PCDHA10: variants seen among roughly 807,000 people sequenced by gnomAD.
The protein encoded by PCDHA10 is protocadherin alpha-10.
A neutral mutation model predicts 61.2 loss-of-function variants in PCDHA10; 45 were observed. The observed-to-expected ratio is 0.74, with a 90% CI of 0.58 to 0.94. The LOEUF is 0.94. Ranked by LOEUF, PCDHA10 falls within the 40% of genes least tolerant of loss-of-function variation. PCDHA10 has a pLI of 0.00. For missense variants in PCDHA10, 1,278 were observed against 1,236.2 expected (o/e 1.03, Z -0.51); for synonymous variants, 602 against 548.8 (o/e 1.10, Z -1.35).
chr5:140,895,914 A>G (rs570826611), intron 1 of PCDHA10, among the ~76,000 whole-genome samples: 43 of 152,162 alleles, frequency 2.8e-4, no homozygotes, highest in Non-Finnish European at 1.3e-4. Flanking sequence ...CGGGCTCAAC[A>G]ATTATCCTGC....
At chr5:140,967,279 T>A in intron 1 of PCDHA10, 1 of 1,613,002 alleles carries the variant, frequency 6.2e-7, no homozygotes, top group Non-Finnish European at 8.5e-7. Context: ...ACATAGAGAG[T>A]GCGCAGGACC....
chr5:140,896,137 G>A (rs547993953), intron 1 of PCDHA10, among the ~76,000 whole-genome samples: 16 of 152,260 alleles, frequency 1.1e-4, no homozygotes, highest in African/African-American at 3.1e-4. Flanking sequence ...TTTATCCAGT[G>A]CACCATTGAT....
rs373471484 is a variant in PCDHA10, at chr5:140,997,017, TA to T, written c.2537-12609del. 5.1e-4 allele frequency among the ~76,000 whole-genome samples: 78 copies of T among 152,304 alleles called. No individual in the cohort carries two copies. The South Asian group carries it at 0.011, about 21-fold the overall frequency. ...TAACAATTTTGTGTGTATCCTCCAA[TA>T]TTTTTTTGAAATTAATGAACTTTAC... On this transcript the variant is annotated intron_variant, in intron 3 of 3. Transcript: ENST00000307360.
In PCDHA10 at chr5:140,883,729, C is replaced by T. The variant is rs572170960; in HGVS notation, c.2388+25293C>T. 8 of 1,613,520 alleles carry T rather than the reference C, an allele frequency of 5.0e-6. No homozygotes were observed. In the African/African-American group the frequency reaches 8.0e-5, roughly 16 times the overall value. ...CTCAGGACGCGGACGCACAGGAGAA[C>T]GCGCTGGTCTCCTACTCGCTGGTGG... On this transcript the variant is annotated intron_variant, in intron 1 of 3. Coordinates refer to ENST00000307360, the MANE Select transcript of PCDHA10 (RefSeq NM_018901.4).
intron 1 of PCDHA10, among the ~76,000 whole-genome samples, chr5:140,936,885 T>C (rs1490428437): frequency 6.6e-6 from 1 of 152,238 alleles, no homozygotes; most frequent in Non-Finnish European, 1.5e-5. Context: ...CCTGCTTTGA[T>C]TTTAATTGGC....
chr5:140,946,221 A>G (rs1287007358), intron 1 of PCDHA10, among the ~76,000 whole-genome samples: 2 of 152,214 alleles, frequency 1.3e-5, no homozygotes, highest in Admixed American at 6.5e-5. Context: ...ACCAACAGGT[A>G]TACTAAAAAA....
At chr5:140,861,334 A>G in intron 1 of PCDHA10, 1 of 250,308 alleles carries the variant, frequency 4.0e-6, no homozygotes, top group Non-Finnish European at 8.2e-6. Context: ...CCATCCTGGA[A>G]GAGGCCAAGG....
chr5:140,876,920 A>G (rs782247870), intron 1 of PCDHA10: 1 of 1,613,928 alleles, frequency 6.2e-7, no homozygotes, highest in Non-Finnish European at 8.5e-7. Context: ...TGGGACGCGG[A>G]CGCGCAGAAG....
At chr5:140,875,397 G>T in intron 1 of PCDHA10, 2 of 1,480,686 alleles carry the variant, frequency 1.4e-6, no homozygotes, top group South Asian at 1.4e-5. Flanking sequence ...AGAAAAGGGT[G>T]ACTGCTCATA....
At chr5:140,877,738 C>G (rs539793128) in intron 1 of PCDHA10, 1 of 1,614,164 alleles carries the variant, frequency 6.2e-7, no homozygotes, top group African/African-American at 1.3e-5. Flanking sequence ...GCAGAGGAGG[C>G]AGAGGGTGTG....
chr5:140,869,450 T>C, intron 1 of PCDHA10: 1 of 1,614,098 alleles, frequency 6.2e-7, no homozygotes, highest in Non-Finnish European at 8.5e-7. Flanking sequence ...CCGCTGCAGG[T>C]TTTCCATGTG....
chr5:140,859,050 C>T lies in PCDHA10; in HGVS notation c.2388+614C>T, dbSNP rs1375477710. ...TGCTTTGAACTTTAAAAACGTTTTC[C>T]ATTTTTATTTTAGTTGTAGTGGTAC... On this transcript the variant is annotated intron_variant, in intron 1 of 3. Transcript: ENST00000307360. 1.3e-5 allele frequency: 2 copies of T among 150,490 alleles called. 1 individual carries two copies. The highest frequency in any genetic ancestry group is 3.0e-5 in the Non-Finnish European group (2 of 67,566). The allele number at this position is 150,490 out of a possible 1,614,324, so 9.3% of individuals were successfully genotyped here.
At chr5:140,977,097 G>T (rs988046010) in intron 1 of PCDHA10, among the ~76,000 whole-genome samples, 2 of 152,222 alleles carry the variant, frequency 1.3e-5, no homozygotes, top group African/African-American at 4.8e-5. Flanking sequence ...GTGTCATTGG[G>T]GAAGTGAGAT....
chr5:140,863,082 G>A (rs1424614073), intron 1 of PCDHA10: 2 of 572,800 alleles, frequency 3.5e-6, no homozygotes, highest in Non-Finnish European at 6.9e-6. Flanking sequence ...GCACGGGCGA[G>A]ATCAGCACGA....
rs1040454233 is a variant in PCDHA10 at position 140,868,818 on chromosome 5, T to C, written c.2388+10382T>C. On this transcript the variant is annotated intron_variant, in intron 1 of 3. Transcript: ENST00000307360. ...CATAAATAAGCACGTTGGAAATATT[T>C]GGGGGAAGAAACCCAAAACACGTGA... 30 of 385,940 alleles carry C rather than the reference T, an allele frequency of 7.8e-5. No individual in the cohort carries two copies. The East Asian group carries it at 1.3e-3, about 16-fold the overall frequency. 23.9% of individuals were successfully genotyped at this position (385,940 alleles called of 1,614,324 possible).
chr5:140,938,484 A>G (rs914020751), intron 1 of PCDHA10, among the ~76,000 whole-genome samples: 14 of 152,182 alleles, frequency 9.2e-5, no homozygotes, highest in African/African-American at 2.9e-4. Flanking sequence ...TTTAAAAATC[A>G]TGAATAGGCA....
intron 1 of PCDHA10, chr5:140,861,164 C>G (rs2046783856): frequency 6.4e-6 from 1 of 156,700 alleles, no homozygotes; most frequent in African/African-American, 2.4e-5. Flanking sequence ...CAAAAGGTCT[C>G]AGAGGAACTA....
chr5:140,938,485 T>C (rs2092087482), intron 1 of PCDHA10, among the ~76,000 whole-genome samples: 2 of 152,170 alleles, frequency 1.3e-5, no homozygotes, highest in African/African-American at 4.8e-5. Context: ...TTAAAAATCA[T>C]GAATAGGCAT....
At chr5:140,860,734 GTTTTTTA>G (rs1404225189) in intron 1 of PCDHA10, 2 of 152,108 alleles carry the variant, frequency 1.3e-5, no homozygotes, top group Non-Finnish European at 2.9e-5. Context: ...TGGTTTTTTT[GTTTTTTA>G]TTTTTTATTT....
Sources: gnomAD v4.1 joint callset for allele counts (sites outside exome capture counted in the v4.1 genomes callset) on GRCh38, gnomAD v4.1.1 for gene constraint, MANE v1.5 for transcripts, NCBI Gene and HGNC (gene_info 2026-07-23, HGNC 2026-07-21) for gene names.